Variants in L3MBTL1 observed in about 807,000 individuals in gnomAD.
L3MBTL1 encodes lethal(3)malignant brain tumor-like protein 1.
A neutral mutation model predicts 105.3 loss-of-function variants in L3MBTL1; 75 were observed. The ratio of observed to expected loss-of-function variants is 0.71; its 90% CI spans 0.59 to 0.86. L3MBTL1 has a LOEUF of 0.86. Ranked by LOEUF, L3MBTL1 falls within the 40% of genes least tolerant of loss-of-function variation. The pLI is 0.00. For synonymous variants in L3MBTL1, 452 were observed against 436.2 expected (o/e 1.04, Z -0.45); for missense variants, 1,069 against 1,126.4 (o/e 0.95, Z 0.73).
chr20:43,550,873 G>A (rs1423182458), exon 19 of L3MBTL1: 1 of 152,202 alleles, frequency 6.6e-6, no homozygotes, highest in Non-Finnish European at 1.5e-5. Context: ...GACTCTTGAA[G>A]GAGAAAAAGT....
At chr20:43,538,339 A>T (rs1269980734) in intron 19 of L3MBTL1, among the ~76,000 whole-genome samples, 2 of 152,228 alleles carry the variant, frequency 1.3e-5, no homozygotes, top group African/African-American at 2.4e-5. Flanking sequence ...ATCTTTCCAG[A>T]GGCTGAGACT....
chr20:43,515,291 GGTCA>G lies in L3MBTL1; in HGVS notation c.658_661del (p.Val220Ter). On this transcript the variant is annotated frameshift_variant and splice_region_variant, in exon 6 of 22. Coordinates refer to ENST00000418998, the MANE Select transcript of L3MBTL1 (RefSeq NM_001377303.1). LOFTEE classifies it high-confidence loss of function. The stretch of plus-strand genomic sequence containing the variant: ...TTTCCCTAAGGCTGGCCCTTCCTCA[GGTCA>G]GTCATAGTGGAGAACTCCTCAGGCT... 2 of 1,607,654 alleles carry G rather than the reference GGTCA, an allele frequency of 1.2e-6. No homozygotes were observed. The highest frequency in any genetic ancestry group is 1.7e-6 in the Non-Finnish European group (2 of 1,176,706).
Position 43,534,253 on chromosome 20 carries a change from C to T in L3MBTL1, c.1600-31C>T, listed in dbSNP as rs770005450. The T allele has an allele frequency of 2.5e-6, 4 of 1,602,524 alleles. No homozygotes were observed. In the African/African-American group the frequency reaches 5.4e-5, roughly 21 times the overall value. Reference sequence around the variant, plus strand: ...GGGGCTCAGCTCTGCTGAGCTGCGCCTTGCCCTGAAGGCAGCTGTCCCCTC... The same window carrying T: ...GGGGCTCAGCTCTGCTGAGCTGCGCTTTGCCCTGAAGGCAGCTGTCCCCTC... On this transcript the variant is annotated intron_variant, in intron 14 of 21. Transcript: ENST00000418998.
At chr20:43,540,907 A>G in intron 21 of L3MBTL1, 27 bp from the exon 22 acceptor site, 1 of 1,613,276 alleles carries the variant, frequency 6.2e-7, no homozygotes, top group Non-Finnish European at 8.5e-7. Context: ...CACTTCTGCT[A>G]AGGAGGGACC....
At chr20:43,517,851 G>A (rs1308544620) in intron 7 of L3MBTL1, among the ~76,000 whole-genome samples, 1 of 152,174 alleles carries the variant, frequency 6.6e-6, no homozygotes, top group Admixed American at 6.5e-5. Context: ...ACTTTTTATA[G>A]TGCTTCTTCC....
chr20:43,545,377 A>AG (rs1978526761), downstream of L3MBTL1, among the ~76,000 whole-genome samples: 1 of 152,022 alleles, frequency 6.6e-6, no homozygotes, highest in Non-Finnish European at 1.5e-5. Flanking sequence ...AAAAAAAAAA[A>AG]AAAGGTGGGG....
chr20:43,514,517 T>C (rs1292002665), intron 3 of L3MBTL1, 118 bp from the exon 4 acceptor site: 2 of 1,558,838 alleles, frequency 1.3e-6, no homozygotes, highest in African/African-American at 2.7e-5. Flanking sequence ...GCGTGGAGTC[T>C]TGAGGCCTGC....
chr20:43,512,865 G>A (rs1042662724), intron 1 of L3MBTL1, among the ~76,000 whole-genome samples: 4 of 152,302 alleles, frequency 2.6e-5, no homozygotes, highest in East Asian at 1.9e-4. Context: ...CTGCGTCTTC[G>A]TACACTATGT....
At chr20:43,514,606 C>A in intron 3 of L3MBTL1, 29 bp from the exon 4 acceptor site, 1 of 1,598,746 alleles carries the variant, frequency 6.3e-7, no homozygotes, top group Non-Finnish European at 8.5e-7. Flanking sequence ...GTACGGGAGT[C>A]GCAATCCTCA....
At chr20:43,548,021 T>TCCCCCCCCCCCCCCC in intron 18 of L3MBTL1, 1 of 782,848 alleles carries the variant, frequency 1.3e-6, no homozygotes, top group Non-Finnish European at 1.8e-6. Flanking sequence ...CCTCCCCCAT[T>TCCCCCCCCCCCCCCC]CCCCATGCAC....
chr20:43,519,714 C>T (rs774432436), intron 7 of L3MBTL1, among the ~76,000 whole-genome samples: 13 of 152,306 alleles, frequency 8.5e-5, no homozygotes, highest in Non-Finnish European at 1.5e-4. Flanking sequence ...AGTCATAGCA[C>T]GTTGTAGCCT....
In L3MBTL1 at chr20:43,522,457, G is replaced by GTTTTTTTTTTTTT. The variant is rs1176856356; in HGVS notation, c.863-6181_863-6169dup. Among the ~76,000 whole-genome samples, 84 of 95,858 alleles carry GTTTTTTTTTTTTT rather than the reference G, an allele frequency of 8.8e-4. 12 individuals are homozygous for GTTTTTTTTTTTTT. Among genetic ancestry groups the GTTTTTTTTTTTTT allele is most frequent in the East Asian group, 2.3e-3 (6 of 2,654 alleles). The allele number at this position is 95,858 out of a possible 152,430, so 62.9% of individuals were successfully genotyped here. A position where few individuals can be genotyped will look rare whatever the true frequency, so the allele number is the denominator to read the frequency against. On this transcript the variant is annotated intron_variant, in intron 7 of 21. Coordinates refer to ENST00000418998, the MANE Select transcript of L3MBTL1 (RefSeq NM_001377303.1). ...TGGTAACTGAATTTTTCCCTGCTAA[G>GTTTTTTTTTTTTT]TTTTTTTTTTTTTTTTTTTTTTTTT...
Position 43,534,470 on chromosome 20 carries a change from G to A in L3MBTL1, c.1710+76G>A, listed in dbSNP as rs1427120778. 7 of 1,139,744 alleles carry A rather than the reference G, an allele frequency of 6.1e-6. No homozygotes were observed. In the Admixed American group the frequency reaches 1.3e-4, roughly 21 times the overall value. The allele number at this position is 1,139,744 out of a possible 1,614,324, so 70.6% of individuals were successfully genotyped here. A position where few individuals can be genotyped will look rare whatever the true frequency, so the allele number is the denominator to read the frequency against. On this transcript the variant is annotated intron_variant, in intron 15 of 21. Transcript: ENST00000418998. ...ATTCTGTAGACTGTTTAGAGGTCAGGGGCATCATGGCATGAGAGAGATGAA... is the reference window on the plus strand; with the variant it reads ...ATTCTGTAGACTGTTTAGAGGTCAGAGGCATCATGGCATGAGAGAGATGAA...
In L3MBTL1 at chr20:43,508,798, T is replaced by C. The variant is rs1293186131; in HGVS notation, c.-29+1054T>C. ...TGGGCGGAAGAAGAAGCTGAACTGC[T>C]GATGTAGTCTCAACAGAGGCCTCAG... On this transcript the variant is annotated intron_variant, in intron 1 of 21. Coordinates refer to ENST00000418998, the MANE Select transcript of L3MBTL1 (RefSeq NM_001377303.1). 3.9e-5 allele frequency among the ~76,000 whole-genome samples: 6 copies of C among 152,342 alleles called. No homozygotes were observed. The East Asian group carries it at 9.6e-4, about 24-fold the overall frequency.
At position 43,535,912 on chromosome 20, in the gene L3MBTL1, C is replaced by T; in HGVS notation, c.1901C>T (p.Thr634Ile). 1 of 1,613,362 alleles carries T rather than the reference C, an allele frequency of 6.2e-7. No individual in the cohort carries two copies. The highest frequency in any genetic ancestry group is 8.5e-7 in the Non-Finnish European group (1 of 1,179,640). ...LSYRSLPHTR[T>I]SKYSFHHRKC... The stretch of plus-strand genomic sequence containing the variant: ...TATAGGAGCCTGCCCCACACTAGGA[C>T]CTCCAAATACAGCTTTCACCACCGG... Residue 634 changes from threonine to isoleucine, a missense_variant, in exon 17 of 22, where the codon ACC becomes ATC. Transcript: ENST00000418998.
chr20:43,541,095 C>G lies in L3MBTL1; in HGVS notation c.2556C>G (p.Ala852=). Residue 852 remains alanine (A), a synonymous_variant, in exon 22 of 22, where the codon GCC becomes GCG. Transcript: ENST00000418998. ...GCTCTCTACCCACTCATTTGCTTGC[C>G]AAACTTAGCTTTGCCAGTGATAGTC... The part of the protein sequence containing the change: ...LLCSLPTHLL[A]KLSFASDSQY 1 of 1,614,064 alleles carries G rather than the reference C, an allele frequency of 6.2e-7. No individual in the cohort carries two copies. Among genetic ancestry groups the G allele is most frequent in the South Asian group, 1.1e-5 (1 of 91,076 alleles).
chr20:43,535,932 C>T lies in L3MBTL1; in HGVS notation c.1921C>T (p.His641Tyr). ...TAGGACCTCCAAATACAGCTTTCAC[C>T]ACCGGTGAGTGAAGGTTCCTGGTGA... ...HTRTSKYSFHHRKCPTPGCDG... is the reference protein window; with the variant it reads ...HTRTSKYSFHYRKCPTPGCDG... Residue 641 changes from histidine (H) to tyrosine (Y), a missense_variant, in exon 17 of 22, where the codon CAC becomes TAC. Coordinates refer to ENST00000418998, the MANE Select transcript of L3MBTL1 (RefSeq NM_001377303.1). 1 of 1,612,388 alleles carries T rather than the reference C, an allele frequency of 6.2e-7. No individual in the cohort carries two copies. The highest frequency in any genetic ancestry group is 2.2e-5 in the East Asian group (1 of 44,878).
chr20:43,508,810 A>C (rs574454507), intron 1 of L3MBTL1, among the ~76,000 whole-genome samples: 73 of 152,358 alleles, frequency 4.8e-4, no homozygotes, highest in Non-Finnish European at 1.0e-3. Context: ...ATGTAGTCTC[A>C]ACAGAGGCCT....
chr20:43,516,181 C>T lies in L3MBTL1; in HGVS notation c.862+4C>T, dbSNP rs748228814. 5.0e-5 allele frequency: 80 copies of T among 1,610,984 alleles called. 1 individual carries two copies. Among genetic ancestry groups the T allele is most frequent in the East Asian group, 4.0e-4 (18 of 44,840 alleles). On this transcript the variant is annotated splice_donor_region_variant and intron_variant, in intron 7 of 21. Transcript: ENST00000418998. Reference sequence around the variant, plus strand: ...GAGTGGAGCAGCAGCCAGCCTGGTACGGTGGCTTGTGTGTATATATATTCG... The same window carrying T: ...GAGTGGAGCAGCAGCCAGCCTGGTATGGTGGCTTGTGTGTATATATATTCG...
Sources: allele counts gnomAD v4.1 joint callset (sites outside exome capture counted in the v4.1 genomes callset), GRCh38; gene constraint gnomAD v4.1.1; transcripts MANE v1.5; gene names NCBI Gene and HGNC (gene_info 2026-07-23, HGNC 2026-07-21).